Variants in PLCZ1 observed in about 807,000 individuals in gnomAD.
PLCZ1 encodes the protein 1-phosphatidylinositol 4,5-bisphosphate phosphodiesterase zeta-1.
In PLCZ1, 64 loss-of-function variants were observed where a neutral mutation model predicts 76.8. That is an observed-to-expected ratio of 0.83 (90% CI 0.68 to 1.03). PLCZ1 has a LOEUF of 1.03. Among genes scored for constraint, PLCZ1 ranks in the 50% least tolerant of loss-of-function variants. The pLI, the probability that PLCZ1 is intolerant of heterozygous loss-of-function variation, is 0.00. For synonymous variants in PLCZ1, 248 were observed against 230.8 expected (o/e 1.07, Z -0.68); for missense variants, 751 against 713.7 (o/e 1.05, Z -0.60).
chr12:18,654,175 G>A, the PLCZ1 span, among the ~76,000 whole-genome samples: 1 of 151,944 alleles, frequency 6.6e-6, no homozygotes, highest in East Asian at 1.9e-4. Context: ...CTAGTAGCTG[G>A]AAGAGATAAC....
chr12:18,655,687 A>T, the PLCZ1 span, among the ~76,000 whole-genome samples: 3 of 152,020 alleles, frequency 2.0e-5, no homozygotes, highest in Admixed American at 2.0e-4. Context: ...ACAAGATGTG[A>T]TGAAAGTGGC....
At chr12:18,728,764 G>A (rs948239477) in intron 3 of PLCZ1, among the ~76,000 whole-genome samples, 9 of 152,154 alleles carry the variant, frequency 5.9e-5, no homozygotes, top group African/African-American at 2.2e-4. Flanking sequence ...ATCATTGAAC[G>A]AGTGGAGAAA....
intron 3 of PLCZ1, among the ~76,000 whole-genome samples, chr12:18,728,966 G>A (rs566517128): frequency 2.6e-5 from 4 of 152,052 alleles, no homozygotes; most frequent in South Asian, 2.1e-4. Context: ...TCCAGGTAGC[G>A]GATTTGTAGG....
Position 18,705,187 on chromosome 12 carries a change from A to G in PLCZ1, c.843T>C (p.Pro281=). The G allele has an allele frequency of 6.2e-7, 1 of 1,614,074 alleles. No individual in the cohort carries two copies. Among genetic ancestry groups the G allele is most frequent in the Non-Finnish European group, 8.5e-7 (1 of 1,179,994 alleles). The change falls in exon 7 of 15, where the codon CCT becomes CCC. Residue 281 remains proline (P), a synonymous_variant. Transcript: ENST00000266505. The part of the protein sequence containing the change: ...SLLSDMLDDF[P]DTLPSPEALK... The stretch of plus-strand genomic sequence containing the variant: ...TTACCTCTGGTGATGGTAGAGTATC[A>G]GGAAAATCATCAAGCATATCAGAAA...
Position 18,699,930 on chromosome 12 carries a change from A to G in PLCZ1, c.1038T>C (p.Ala346=), listed in dbSNP as rs1955657209. The G allele has an allele frequency of 1.2e-6, 2 of 1,610,728 alleles. No individual in the cohort carries two copies. Among genetic ancestry groups the G allele is most frequent in the Non-Finnish European group, 1.7e-6 (2 of 1,178,766 alleles). ...KKKKTRKLKI[A]LALSDLVIYT... ...AAATGACAAGATCAGATAAGGCCAG[A>G]GCAATTTTTAGCTTCCTGGTCTAAA... The change falls in exon 10 of 15, where the codon GCT becomes GCC. Residue 346 remains alanine, a synonymous_variant. Transcript: ENST00000266505.
chr12:18,685,844 G>GCACACACACA (rs765449096), intron 13 of PLCZ1, among the ~76,000 whole-genome samples: 1 of 48,212 alleles, frequency 2.1e-5, no homozygotes, highest in East Asian at 9.2e-4. Context: ...ACACACACAC[G>GCACACACACA]CGCACACACA....
chr12:18,685,630 T>C (rs762362006), intron 13 of PLCZ1: 2 of 516,840 alleles, frequency 3.9e-6, no homozygotes, highest in Admixed American at 1.9e-5. Flanking sequence ...AATTGGCTCA[T>C]GCTGGAATAA....
chr12:18,701,383 G>T, intron 9 of PLCZ1, 118 bp downstream of exon 9: 1 of 1,527,574 alleles, frequency 6.5e-7, no homozygotes, highest in Admixed American at 2.0e-5. Flanking sequence ...GTAAATGATA[G>T]ACTAGAGTTT....
chr12:18,654,797 G>A, the PLCZ1 span, among the ~76,000 whole-genome samples: 1 of 152,166 alleles, frequency 6.6e-6, no homozygotes, highest in Non-Finnish European at 1.5e-5. Context: ...CAAGGGATAA[G>A]TGACAAACAT....
chr12:18,683,346 A>T, intron 14 of PLCZ1, 22 bp from the exon 15 acceptor site: 1 of 1,606,814 alleles, frequency 6.2e-7, no homozygotes. Context: ...ATTATATCTA[A>T]TTAGACCAAT....
chr12:18,655,871 C>T, the PLCZ1 span, among the ~76,000 whole-genome samples: 2 of 152,104 alleles, frequency 1.3e-5, no homozygotes, highest in Non-Finnish European at 2.9e-5. Flanking sequence ...GAAACTGTCA[C>T]AGCCAAGAGG....
At chr12:18,663,341 C>T in the PLCZ1 span, among the ~76,000 whole-genome samples, 2 of 152,014 alleles carry the variant, frequency 1.3e-5, no homozygotes, top group African/African-American at 4.8e-5. Context: ...TCCAGAAAAA[C>T]TGTTAGAATT....
chr12:18,716,856 T>C (rs1162575596), intron 5 of PLCZ1, among the ~76,000 whole-genome samples: 16 of 152,216 alleles, frequency 1.1e-4, no homozygotes, highest in Non-Finnish European at 2.4e-4. Flanking sequence ...AAAATAAATT[T>C]AAGAATCTTT....
chr12:18,734,294 A>C (rs1435304778), intron 3 of PLCZ1, among the ~76,000 whole-genome samples: 1 of 152,130 alleles, frequency 6.6e-6, no homozygotes, highest in African/African-American at 2.4e-5. Flanking sequence ...TTTACATAGT[A>C]ATTTTGTATC....
intron 11 of PLCZ1, among the ~76,000 whole-genome samples, chr12:18,695,689 T>C (rs1247529177): frequency 2.0e-5 from 3 of 152,074 alleles, no homozygotes; most frequent in African/African-American, 7.2e-5. Context: ...AGTGCTGTAC[T>C]AGCTGTTCAA....
intron 3 of PLCZ1, among the ~76,000 whole-genome samples, chr12:18,734,845 C>T (rs1959185407): frequency 6.6e-6 from 1 of 152,116 alleles, no homozygotes; most frequent in Non-Finnish European, 1.5e-5. Flanking sequence ...TGCCTTTTCC[C>T]AGATCTTAGA....
rs1233161167 is a variant in PLCZ1, at chr12:18,723,528, C to T, written c.150G>A (p.Leu50=). 6.2e-7 allele frequency: 1 copy of T among 1,611,918 alleles called. No homozygotes were observed. Among genetic ancestry groups the T allele is most frequent in the African/African-American group, 1.3e-5 (1 of 74,844 alleles). The change falls in exon 4 of 15, where the codon CTG becomes CTA. Residue 50 remains leucine, a synonymous_variant. Transcript: ENST00000266505. ...VKQIFKDNDR[L]KQGRITIEEF... The stretch of plus-strand genomic sequence containing the variant: ...CTTCTATGGTGATTCTTCCTTGTTT[C>T]AGCCTGTCATTGTCCTACTAAAAAA...
chr12:18,712,750 A>G lies in PLCZ1; in HGVS notation c.714+92T>C. On this transcript the variant is annotated intron_variant, in intron 6 of 14. Transcript: ENST00000266505. ...TAACCCACAATTTGAAATATCATCT[A>G]AAGTAAGGCTAAGCATTATAGGATT... 4 of 1,450,168 alleles carry G rather than the reference A, an allele frequency of 2.8e-6. No homozygotes were observed. The South Asian group carries it at 4.6e-5, about 17-fold the overall frequency. The allele number at this position is 1,450,168 out of a possible 1,614,324, so 89.8% of individuals were successfully genotyped here. A position where few individuals can be genotyped will look rare whatever the true frequency, so the allele number is the denominator to read the frequency against.
intron 12 of PLCZ1, among the ~76,000 whole-genome samples, chr12:18,690,557 A>T (rs559840474): frequency 6.6e-6 from 1 of 152,290 alleles, no homozygotes; most frequent in East Asian, 1.9e-4. Flanking sequence ...TCCTCAGACA[A>T]ATGGAGAAGA....
Sources: gnomAD v4.1 joint callset for allele counts (sites outside exome capture counted in the v4.1 genomes callset) on GRCh38, gnomAD v4.1.1 for gene constraint, MANE v1.5 for transcripts, NCBI Gene and HGNC (gene_info 2026-07-23, HGNC 2026-07-21) for gene names.